ADAMTS20: variants seen among roughly 807,000 people sequenced by gnomAD.
ADAMTS20 encodes the protein ADAM metallopeptidase with thrombospondin type 1 motif 20.
ADAMTS20 carries 225 observed loss-of-function variants against 260.1 expected under a neutral mutation model. The ratio of observed to expected loss-of-function variants is 0.87; its 90% CI spans 0.78 to 0.97. The LOEUF (loss-of-function observed/expected upper bound fraction) is 0.97. ADAMTS20 is among the 50% of genes least tolerant of loss of function. ADAMTS20 has a pLI of 0.00. For missense variants in ADAMTS20, 2,400 were observed against 2,337.7 expected (o/e 1.03, Z -0.55); for synonymous variants, 802 against 769.5 (o/e 1.04, Z -0.70).
intron 31 of ADAMTS20, 145 bp from the exon 32 acceptor site, chr12:43,377,707 G>A: frequency 1.5e-6 from 1 of 685,032 alleles, no homozygotes; most frequent in Non-Finnish European, 2.3e-6. Flanking sequence ...AGCAAACATA[G>A]GTTCAGACAT....
chr12:43,447,077 A>G (rs1407133404), intron 14 of ADAMTS20, among the ~76,000 whole-genome samples: 2 of 152,074 alleles, frequency 1.3e-5, no homozygotes, highest in African/African-American at 4.8e-5. Context: ...AAGAGCTGGT[A>G]CCATTCCTAC....
chr12:43,523,977 G>A (rs1211915455), intron 3 of ADAMTS20, among the ~76,000 whole-genome samples: 1 of 151,612 alleles, frequency 6.6e-6, no homozygotes, highest in Admixed American at 6.6e-5. Flanking sequence ...GTAACATAAG[G>A]CAAGCACAAA....
chr12:43,407,644 T>G (rs1265836252), intron 28 of ADAMTS20, among the ~76,000 whole-genome samples: 1 of 152,074 alleles, frequency 6.6e-6, no homozygotes, highest in Non-Finnish European at 1.5e-5. Context: ...CACAAATAAC[T>G]ATTAGAAAAT....
At chr12:43,514,870 GA>G in intron 3 of ADAMTS20, among the ~76,000 whole-genome samples, 1 of 152,302 alleles carries the variant, frequency 6.6e-6, no homozygotes, top group East Asian at 1.9e-4. Flanking sequence ...AATTCATGCT[GA>G]ATATCGATAT....
At chr12:43,478,040 G>A (rs1301857185) in intron 7 of ADAMTS20, among the ~76,000 whole-genome samples, 10 of 151,872 alleles carry the variant, frequency 6.6e-5, no homozygotes, top group African/African-American at 1.9e-4. Flanking sequence ...GAGAACATAC[G>A]TAAAAGAAGA....
At chr12:43,373,368 A>G (rs1255094436) in intron 36 of ADAMTS20, among the ~76,000 whole-genome samples, 1 of 152,224 alleles carries the variant, frequency 6.6e-6, no homozygotes, top group Non-Finnish European at 1.5e-5. Context: ...CATATACATC[A>G]TTAAATAATA....
chr12:43,418,338 C>T (rs532139290), intron 28 of ADAMTS20, among the ~76,000 whole-genome samples: 111 of 152,182 alleles, frequency 7.3e-4, no homozygotes, highest in African/African-American at 2.5e-3. Flanking sequence ...TGAGACGGAG[C>T]CTCATTATGT....
At chr12:43,495,579 C>T (rs1251457323) in intron 4 of ADAMTS20, among the ~76,000 whole-genome samples, 1 of 152,150 alleles carries the variant, frequency 6.6e-6, no homozygotes, top group African/African-American at 2.4e-5. Flanking sequence ...CACAGTATGT[C>T]TAAATTGGAA....
intron 14 of ADAMTS20, among the ~76,000 whole-genome samples, chr12:43,448,256 G>A (rs1449879155): frequency 6.6e-6 from 1 of 152,162 alleles, no homozygotes; most frequent in Non-Finnish European, 1.5e-5. Context: ...CAGGGCTACA[G>A]TAACCAAAAC....
chr12:43,552,079 C>G lies in ADAMTS20; in HGVS notation c.-158G>C, dbSNP rs1353832376. 1.3e-5 allele frequency among the ~76,000 whole-genome samples: 2 copies of G among 152,212 alleles called. No individual in the cohort carries two copies. The highest frequency in any genetic ancestry group is 2.9e-5 in the Non-Finnish European group (2 of 68,040). Reference sequence around the variant, plus strand: ...CAGCGCGGGCCCTGGGCCGGCTGGTCCAGCCACACCGCCTGTCTCCGCTCG... The same window carrying G: ...CAGCGCGGGCCCTGGGCCGGCTGGTGCAGCCACACCGCCTGTCTCCGCTCG... On this transcript the variant is annotated 5_prime_UTR_variant, in exon 1 of 39. Transcript: ENST00000389420.
At chr12:43,457,145 T>G (rs954399689) in intron 11 of ADAMTS20, among the ~76,000 whole-genome samples, 2 of 152,316 alleles carry the variant, frequency 1.3e-5, no homozygotes, top group East Asian at 1.9e-4. Context: ...TAATCATGCT[T>G]CTTCTTTGAC....
At chr12:43,479,688 T>A (rs1327398373) in intron 7 of ADAMTS20, among the ~76,000 whole-genome samples, 2 of 152,030 alleles carry the variant, frequency 1.3e-5, no homozygotes, top group Non-Finnish European at 2.9e-5. Flanking sequence ...AAAAAAGTGA[T>A]ACCTTAAAGT....
chr12:43,356,338 C>T lies in ADAMTS20; in HGVS notation c.5643+146G>A. The T allele has an allele frequency of 6.1e-6, 3 of 494,130 alleles. No homozygotes were observed. The Admixed American group carries it at 1.1e-4, about 18-fold the overall frequency. 30.6% of individuals were successfully genotyped at this position (494,130 alleles called of 1,614,324 possible). ...TTTCATTTCATAAATTAATGTTGTG[C>T]TCCATTATATGTAATATACCCATTA... On this transcript the variant is annotated intron_variant, in intron 38 of 38. Transcript: ENST00000389420.
intron 7 of ADAMTS20, among the ~76,000 whole-genome samples, chr12:43,477,426 G>A (rs1949083): frequency 1.4e-3 from 208 of 152,206 alleles, no homozygotes; most frequent in African/African-American, 4.9e-3. Context: ...ATAGTTTGTA[G>A]GGAGGAAGAA....
chr12:43,427,368 T>C lies in ADAMTS20; in HGVS notation c.4047A>G (p.Pro1349=). Residue 1349 remains proline, a synonymous_variant, in exon 27 of 39, where the codon CCA becomes CCG. Transcript: ENST00000389420. The part of the protein sequence containing the change: ...ASYCDAASKP[P]ELQQCGPGPC... The stretch of plus-strand genomic sequence containing the variant: ...GCCCTGGACCACATTGCTGTAACTC[T>C]GGAGGCTTGGAGGCTGCATCGCAGT... The C allele has an allele frequency of 6.2e-7, 1 of 1,613,936 alleles. No individual in the cohort carries two copies.
chr12:43,392,789 T>G (rs1323025553), intron 29 of ADAMTS20, among the ~76,000 whole-genome samples: 3 of 152,118 alleles, frequency 2.0e-5, no homozygotes, highest in Non-Finnish European at 4.4e-5. Flanking sequence ...CTAGGGGGTC[T>G]CCTCTTACCT....
intron 7 of ADAMTS20, among the ~76,000 whole-genome samples, chr12:43,475,413 G>A (rs1464212573): frequency 7.1e-6 from 1 of 140,308 alleles, no homozygotes; most frequent in Non-Finnish European, 1.5e-5. Flanking sequence ...TGGCCATACT[G>A]CCCAAGGTAA....
In ADAMTS20 at chr12:43,551,875, A is replaced by T; in HGVS notation, c.47T>A (p.Leu16His). Residue 16 changes from leucine (L) to histidine (H), a missense_variant, in exon 1 of 39, where the codon CTC (leucine) becomes CAC (histidine). Physicochemically the swap from Leu to His is moderately conservative, Grantham distance 99 (BLOSUM62 -3). Coordinates refer to ENST00000389420, the MANE Select transcript of ADAMTS20 (RefSeq NM_025003.5). This position sits in a 1 kb window ranked among gnomAD's most constrained non-coding sequence, Gnocchi z 4.6. Reference sequence around the variant, plus strand: ...AACTTCCCAAGACCTGGTGATGAAGAGCGAGAGATGGTAGAGCAGCCCAGT... The same window carrying T: ...AACTTCCCAAGACCTGGTGATGAAGTGCGAGAGATGGTAGAGCAGCCCAGT... The part of the protein sequence containing the change: ...WLTGLLYHLS[L>H]FITRSWEVDF... The T allele has an allele frequency of 6.2e-7, 1 of 1,613,700 alleles. No homozygotes were observed. Among genetic ancestry groups the T allele is most frequent in the Non-Finnish European group, 8.5e-7 (1 of 1,179,734 alleles).
At chr12:43,494,071 A>G (rs776317251) in intron 4 of ADAMTS20, among the ~76,000 whole-genome samples, 1 of 152,140 alleles carries the variant, frequency 6.6e-6, no homozygotes, top group Admixed American at 6.5e-5. Flanking sequence ...TCCATGGCCA[A>G]TGCCTCTGCC....
Sources: gnomAD v4.1 joint callset for allele counts (sites outside exome capture counted in the v4.1 genomes callset) on GRCh38, gnomAD v4.1.1 for gene constraint, Gnocchi (gnomAD v3.1) non-coding constraint, MANE v1.5 for transcripts, NCBI Gene and HGNC (gene_info 2026-07-23, HGNC 2026-07-21) for gene names.